Variants in ADRA1A observed in about 807,000 individuals in gnomAD.
The protein encoded by ADRA1A is alpha-1A adrenergic receptor.
A neutral mutation model predicts 29.6 loss-of-function variants in ADRA1A; 31 were observed. That is an observed-to-expected ratio of 1.05 (90% CI 0.79 to 1.41). The LOEUF (loss-of-function observed/expected upper bound fraction) is 1.41. Among genes scored for constraint, ADRA1A ranks in the 40% most tolerant of loss-of-function variants. ADRA1A has a pLI of 0.00. For missense variants in ADRA1A, 619 were observed against 601.1 expected (o/e 1.03, Z -0.31); for synonymous variants, 311 against 254.3 (o/e 1.22, Z -2.12).
chr8:26,812,789 C>T (rs990022238), intron 2 of ADRA1A, among the ~76,000 whole-genome samples: 13 of 151,786 alleles, frequency 8.6e-5, no homozygotes, highest in African/African-American at 2.7e-4. Flanking sequence ...CTCAGCCTCC[C>T]GAGTAGCTGG....
intron 2 of ADRA1A, among the ~76,000 whole-genome samples, chr8:26,778,259 G>T (rs1806696516): frequency 6.6e-6 from 1 of 152,174 alleles, no homozygotes; most frequent in Non-Finnish European, 1.5e-5. Context: ...CCCACATGTA[G>T]ACATTTCTCC....
intron 2 of ADRA1A, among the ~76,000 whole-genome samples, chr8:26,842,300 T>C (rs1811870949): frequency 6.6e-6 from 1 of 152,214 alleles, no homozygotes; most frequent in Non-Finnish European, 1.5e-5. Context: ...GGCTACCATA[T>C]TGGACAGCAT....
chr8:26,820,222 T>G (rs1026659311), intron 2 of ADRA1A, among the ~76,000 whole-genome samples: 1 of 152,186 alleles, frequency 6.6e-6, no homozygotes, highest in Non-Finnish European at 1.5e-5. Context: ...ATACCAGACT[T>G]GAATTATACT....
Position 26,783,971 on chromosome 8 carries a change from C to T in ADRA1A, c.884-13305G>A, listed in dbSNP as rs113561226. Among the ~76,000 whole-genome samples the T allele has an allele frequency of 2.7e-3, 387 of 145,064 alleles. 1 individual carries two copies. Among genetic ancestry groups the T allele is most frequent in the African/African-American group, 9.1e-3 (339 of 37,400 alleles). On this transcript the variant is annotated intron_variant, in intron 2 of 2. Coordinates refer to ENST00000380573, the MANE Select transcript of ADRA1A (RefSeq NM_000680.4). ...ACATGTTCTCACTTATAAGTGGGAG[C>T]TGAATGAACACAGGGACACAATGGG...
At chr8:26,833,049 T>A (rs181036527) in intron 2 of ADRA1A, among the ~76,000 whole-genome samples, 14 of 152,344 alleles carry the variant, frequency 9.2e-5, no homozygotes, top group Non-Finnish European at 1.8e-4. Flanking sequence ...CGATCACATG[T>A]ATGTATATTA....
At chr8:26,783,739 T>C (rs974257087) in intron 2 of ADRA1A, among the ~76,000 whole-genome samples, 3 of 152,236 alleles carry the variant, frequency 2.0e-5, no homozygotes, top group Admixed American at 6.5e-5. Context: ...TGTATGTTCA[T>C]TGCAGCACTA....
chr8:26,854,739 A>G (rs1357932173), intron 2 of ADRA1A: 1 of 152,224 alleles, frequency 6.6e-6, no homozygotes, highest in African/African-American at 2.4e-5. Flanking sequence ...TCTGACTACT[A>G]TGACATTTGT....
In ADRA1A at chr8:26,842,739, C is replaced by G. The variant is rs149196494; in HGVS notation, c.883+21348G>C. Among the ~76,000 whole-genome samples, 1,042 of 152,164 alleles carry G rather than the reference C, an allele frequency of 6.8e-3. 9 individuals carry two copies. The highest frequency in any genetic ancestry group is 9.7e-3 in the Non-Finnish European group (658 of 67,996). ...ATGGCCAAAACCTTTGTCTGGTTTTCAAAAAGACACCCAGAATAATATCAT... is the reference window on the plus strand; with the variant it reads ...ATGGCCAAAACCTTTGTCTGGTTTTGAAAAAGACACCCAGAATAATATCAT... On this transcript the variant is annotated intron_variant, in intron 2 of 2. Coordinates refer to ENST00000380573, the MANE Select transcript of ADRA1A (RefSeq NM_000680.4).
rs891998779 is a variant in ADRA1A at position 26,860,274 on chromosome 8, C to G, written c.883+3813G>C. Among the ~76,000 whole-genome samples the G allele has an allele frequency of 1.3e-5, 2 of 152,104 alleles. No homozygotes were observed. Among genetic ancestry groups the G allele is most frequent in the Non-Finnish European group, 2.9e-5 (2 of 68,012 alleles). On this transcript the variant is annotated intron_variant, in intron 2 of 2. Transcript: ENST00000380573. The surrounding 1 kb of genome is among the most constrained non-coding windows in gnomAD (Gnocchi z 4.7). The stretch of plus-strand genomic sequence containing the variant: ...CTCATCTCTATGCATAGCTCAGCCA[C>G]CACTGCAAGCTCCAAACTCTCAGGC...
chr8:26,773,051 G>A (rs1806290651), intron 2 of ADRA1A, among the ~76,000 whole-genome samples: 1 of 152,214 alleles, frequency 6.6e-6, no homozygotes, highest in Non-Finnish European at 1.5e-5. Context: ...ATCATCGTTA[G>A]TAACATGAAG....
rs1810941506 is a variant in ADRA1A, at chr8:26,831,022, G to T, written c.883+33065C>A. On this transcript the variant is annotated intron_variant, in intron 2 of 2. Coordinates refer to ENST00000380573, the MANE Select transcript of ADRA1A (RefSeq NM_000680.4). This position sits in a 1 kb window ranked among gnomAD's most constrained non-coding sequence, Gnocchi z 5.2. Reference sequence around the variant, plus strand: ...CTCATGGATGCACTGTTACTTCCTGGACTTTGGGGGACTGAGGTCTTTTAT... The same window carrying T: ...CTCATGGATGCACTGTTACTTCCTGTACTTTGGGGGACTGAGGTCTTTTAT... Among the ~76,000 whole-genome samples the T allele has an allele frequency of 6.6e-6, 1 of 152,218 alleles. No homozygotes were observed. The highest frequency in any genetic ancestry group is 6.5e-5 in the Admixed American group (1 of 15,304).
In ADRA1A at chr8:26,769,824, T is replaced by A. The variant is rs1476510727; in HGVS notation, c.*325A>T. 1 of 1,060,272 alleles carries A rather than the reference T, an allele frequency of 9.4e-7. No homozygotes were observed. Among genetic ancestry groups the A allele is most frequent in the Non-Finnish European group, 1.1e-6 (1 of 879,246 alleles). 65.7% of individuals were successfully genotyped at this position (1,060,272 alleles called of 1,614,324 possible). A position where few individuals can be genotyped will look rare whatever the true frequency, so the allele number is the denominator to read the frequency against. ...CAAAATATTCATGATGAAATCATAA[T>A]CCTATATTTATAGTCTTTTGGATTG... On this transcript the variant is annotated 3_prime_UTR_variant, in exon 3 of 3. Coordinates refer to ENST00000380573, the MANE Select transcript of ADRA1A (RefSeq NM_000680.4).
In ADRA1A at chr8:26,749,738, A is replaced by G. The variant is rs77288119; in HGVS notation, c.1270-990T>C. Among the ~76,000 whole-genome samples the G allele has an allele frequency of 4.5e-3, 680 of 152,312 alleles. 14 individuals are homozygous for G. In the East Asian group the frequency reaches 0.048, roughly 11 times the overall value. ...GCTTTCACTGCTATCTTTTGGCCTT[A>G]AGACTCCTCCATGGCCAGCCCAAAT... On this transcript the variant is annotated intron_variant, in intron 2 of 2. Transcript: ENST00000380586.
At chr8:26,792,198 A>G (rs1260332279) in intron 2 of ADRA1A, among the ~76,000 whole-genome samples, 1 of 152,166 alleles carries the variant, frequency 6.6e-6, no homozygotes, top group African/African-American at 2.4e-5. Context: ...GATGTCTCCT[A>G]TCCCACCCTC....
chr8:26,821,872 C>CT lies in ADRA1A; in HGVS notation c.883+42214dup, dbSNP rs1810197265. On this transcript the variant is annotated intron_variant, in intron 2 of 2. Transcript: ENST00000380573. The surrounding 1 kb of genome is among the most constrained non-coding windows in gnomAD (Gnocchi z 5.6). Reference sequence around the variant, plus strand: ...CAGTATGCAATCATTTTGGGATTGGCTTTTTCCACTTAGCATTATTCTCTG... The same window carrying CT: ...CAGTATGCAATCATTTTGGGATTGGCTTTTTTCCACTTAGCATTATTCTCTG... 6.6e-6 allele frequency among the ~76,000 whole-genome samples: 1 copy of CT among 152,162 alleles called. No individual in the cohort carries two copies.
At chr8:26,794,868 T>C (rs577046043) in intron 2 of ADRA1A, among the ~76,000 whole-genome samples, 3 of 152,052 alleles carry the variant, frequency 2.0e-5, no homozygotes, top group African/African-American at 7.2e-5. Flanking sequence ...TAATGAACAA[T>C]GTTCTAGAAG....
At chr8:26,779,054 G>T (rs999962737) in intron 2 of ADRA1A, 9 of 331,536 alleles carry the variant, frequency 2.7e-5, no homozygotes, top group Middle Eastern at 8.1e-4. Flanking sequence ...CTGCTGAATG[G>T]CTTATTTATT....
rs146390998 is a variant in ADRA1A at position 26,785,876 on chromosome 8, G to A, written c.884-15210C>T. ...CAATCAGTCCTGATGTCTTCTTGAC[G>A]TCTTCAGTAGATCAGAACTCCTAGT... On this transcript the variant is annotated intron_variant, in intron 2 of 2. Coordinates refer to ENST00000380573, the MANE Select transcript of ADRA1A (RefSeq NM_000680.4). Among the ~76,000 whole-genome samples the A allele has an allele frequency of 3.6e-3, 545 of 152,176 alleles. 1 individual carries two copies. Among genetic ancestry groups the A allele is most frequent in the African/African-American group, 0.012 (518 of 41,506 alleles).
intron 2 of ADRA1A, among the ~76,000 whole-genome samples, chr8:26,759,092 T>G (rs1354279424): frequency 6.6e-6 from 1 of 152,242 alleles, no homozygotes; most frequent in African/African-American, 2.4e-5. Context: ...GTGTTAATAC[T>G]GGAGAGTGAA....
Sources: allele counts gnomAD v4.1 joint callset (sites outside exome capture counted in the v4.1 genomes callset), GRCh38; gene constraint gnomAD v4.1.1; non-coding constraint Gnocchi (gnomAD v3.1); transcripts MANE v1.5; gene names NCBI Gene and HGNC (gene_info 2026-07-23, HGNC 2026-07-21).